The following KALRN variants were observed in gnomAD, a reference collection of about 807,000 sequenced individuals.
The protein encoded by KALRN is kalirin RhoGEF kinase.
KALRN carries 70 observed loss-of-function variants against 353.7 expected under a neutral mutation model. The observed-to-expected ratio is 0.20, with a 90% confidence interval of 0.16 to 0.24. The LOEUF (loss-of-function observed/expected upper bound fraction) is 0.24, where lower values mean the gene tolerates loss of function less well. Among genes scored for constraint, KALRN ranks in the 10% least tolerant of loss-of-function variants. The pLI, the probability that KALRN is intolerant of heterozygous loss-of-function variation, is 1.00. For synonymous variants in KALRN, 1,391 were observed against 1,434.8 expected (o/e 0.97, Z 0.69); for missense variants, 2,791 against 3,756.7 (o/e 0.74, Z 6.72).
At chr3:124,700,089 C>T in intron 56 of KALRN, 56 bp downstream of exon 56, 1 of 1,566,798 alleles carries the variant, frequency 6.4e-7, no homozygotes, top group Non-Finnish European at 8.8e-7. Context: ...CACCTGGCTG[C>T]CTGTCACAGA....
chr3:124,306,675 A>G lies in KALRN; in HGVS notation c.1092+7762A>G, dbSNP rs148113139. On this transcript the variant is annotated intron_variant, in intron 6 of 59. Transcript: ENST00000682506. ...AGAAACTCCAAGTAGGATAAATTCA[A>G]GAAGATCCATAAGCAGACACATTAT... is the stretch of plus-strand genomic sequence containing the variant. Among the ~76,000 whole-genome samples the G allele has an allele frequency of 3.2e-3, 491 of 152,320 alleles. 3 individuals are homozygous for G. Among genetic ancestry groups the G allele is most frequent in the African/African-American group, 0.011 (444 of 41,580 alleles).
intron 1 of KALRN, among the ~76,000 whole-genome samples, chr3:124,153,224 A>C (rs1055154529): frequency 2.3e-4 from 33 of 145,334 alleles, no homozygotes; most frequent in African/African-American, 8.4e-4. Context: ...CCATTAACTC[A>C]TCATTTAGCA....
Position 124,461,935 on chromosome 3 carries a change from G to A in KALRN, c.3900G>A (p.Arg1300=). Residue 1300 remains arginine, a synonymous_variant, in exon 24 of 60, where the codon AGG becomes AGA. Coordinates refer to ENST00000682506, the MANE Select transcript of KALRN (RefSeq NM_001388419.1). Reference sequence around the variant, plus strand: ...TCCAGACAGAGAAGGCTTATGTAAGGGATTTGCATGAGTGCTTAGAGGTGA... The same window carrying A: ...TCCAGACAGAGAAGGCTTATGTAAGAGATTTGCATGAGTGCTTAGAGGTGA... The part of the protein sequence containing the change: ...ELLQTEKAYV[R]DLHECLETYL... 6.2e-7 allele frequency: 1 copy of A among 1,613,106 alleles called. No individual in the cohort carries two copies. Among genetic ancestry groups the A allele is most frequent in the Non-Finnish European group, 8.5e-7 (1 of 1,179,150 alleles).
chr3:124,132,488 T>A (rs2065420019), intron 1 of KALRN, among the ~76,000 whole-genome samples: 3 of 152,186 alleles, frequency 2.0e-5, no homozygotes, highest in Admixed American at 2.0e-4. Flanking sequence ...CTGGACTTCT[T>A]TCCTGGCCTG....
intron 1 of KALRN, among the ~76,000 whole-genome samples, chr3:124,155,273 G>GA (rs2068813817): frequency 6.6e-6 from 1 of 152,174 alleles, no homozygotes; most frequent in South Asian, 2.1e-4. Flanking sequence ...GTTCCAGCCA[G>GA]AAAAAAGAGA....
intron 34 of KALRN, among the ~76,000 whole-genome samples, chr3:124,598,323 T>A (rs953467309): frequency 2.6e-5 from 4 of 152,186 alleles, no homozygotes; most frequent in Non-Finnish European, 2.9e-5. Flanking sequence ...GAAGACTTTC[T>A]TGAGACATCC....
chr3:124,494,786 C>G (rs571102654), intron 32 of KALRN, among the ~76,000 whole-genome samples: 2 of 152,208 alleles, frequency 1.3e-5, no homozygotes, highest in Non-Finnish European at 2.9e-5. Flanking sequence ...ATCATTTAGA[C>G]CCTTTGAGGT....
At position 124,368,270 on chromosome 3, in the gene KALRN, C is replaced by T. The variant is rs1362734231; in HGVS notation, c.1771-16575C>T. On this transcript the variant is annotated intron_variant, in intron 10 of 59. Coordinates refer to ENST00000682506, the MANE Select transcript of KALRN (RefSeq NM_001388419.1). ...CCCCCCACCTCCCTCCCGGACGGGG[C>T]GGCTGCCGGGCGGAGACGCTCCTCA... is the stretch of plus-strand genomic sequence containing the variant. 5.6e-4 allele frequency among the ~76,000 whole-genome samples: 78 copies of T among 138,232 alleles called. 3 individuals are homozygous for T. Among genetic ancestry groups the T allele is most frequent in the African/African-American group, 2.0e-3 (68 of 34,252 alleles). The allele number at this position is 138,232 out of a possible 152,430, so 90.7% of individuals were successfully genotyped here.
intron 6 of KALRN, among the ~76,000 whole-genome samples, chr3:124,319,844 AT>A (rs2149361564): frequency 6.6e-6 from 1 of 152,106 alleles, no homozygotes; most frequent in East Asian, 1.9e-4. Context: ...AATACAAAAA[AT>A]TAGCCAGGCA....
intron 34 of KALRN, among the ~76,000 whole-genome samples, chr3:124,566,504 CAAAA>C (rs3057177): frequency 2.2e-5 from 3 of 136,238 alleles, no homozygotes; most frequent in Non-Finnish European, 3.2e-5. Context: ...AACCCTGTCT[CAAAA>C]AAAAAAAAAA....
chr3:124,634,500 G>A (rs1195716205), intron 36 of KALRN, among the ~76,000 whole-genome samples: 5 of 152,144 alleles, frequency 3.3e-5, no homozygotes, highest in Non-Finnish European at 4.4e-5. Context: ...AAGATTCCCC[G>A]GCCCGCTGGC....
intron 47 of KALRN, among the ~76,000 whole-genome samples, chr3:124,667,910 G>C (rs755298574): frequency 2.6e-5 from 4 of 152,192 alleles, no homozygotes; most frequent in Non-Finnish European, 5.9e-5. Flanking sequence ...TTTTAAGCTA[G>C]TGGCTGATCT....
chr3:124,277,457 C>T (rs542219969), intron 5 of KALRN, among the ~76,000 whole-genome samples: 1 of 152,190 alleles, frequency 6.6e-6, no homozygotes, highest in African/African-American at 2.4e-5. Context: ...TTATTTCCAG[C>T]CTGCTGGTCC....
intron 3 of KALRN, among the ~76,000 whole-genome samples, chr3:124,236,685 A>G (rs1351077561): frequency 3.9e-5 from 6 of 152,242 alleles, no homozygotes; most frequent in African/African-American, 1.2e-4. Flanking sequence ...CTTGTTAAGC[A>G]AAGAGTGGGA....
chr3:124,639,115 C>T (rs763997045), intron 37 of KALRN, among the ~76,000 whole-genome samples: 6 of 152,190 alleles, frequency 3.9e-5, no homozygotes, highest in Non-Finnish European at 8.8e-5. Flanking sequence ...TCTTTGCTAT[C>T]CTCGAACTCA....
At chr3:124,272,590 A>C (rs1007577275) in intron 5 of KALRN, among the ~76,000 whole-genome samples, 2 of 152,000 alleles carry the variant, frequency 1.3e-5, no homozygotes, top group Admixed American at 6.6e-5. Context: ...ATGCATGTGC[A>C]TGTGAGTAGA....
Position 124,398,813 on chromosome 3 carries a change from G to A in KALRN, c.2288G>A (p.Arg763Gln), listed in dbSNP as rs996622312. 5 of 1,614,130 alleles carry A rather than the reference G, an allele frequency of 3.1e-6. No homozygotes were observed. Among genetic ancestry groups the A allele is most frequent in the African/African-American group, 1.3e-5 (1 of 75,046 alleles). Residue 763 changes from arginine (R) to glutamine (Q), a missense_variant, in exon 13 of 60, where the codon CGG (arginine) becomes CAG (glutamine). Physicochemically the swap from Arg to Gln is conservative, Grantham distance 43. Around this residue, in one of 11 missense-constraint regions of KALRN, gnomAD observed 452 missense variants for 575.8 expected, o/e 0.78. Transcript: ENST00000682506. ...CAGATGGAGGAGCTGTTCCACGAGC[G>A]GAAGATCAAGCTGGACATCTTCCTG... ...QVQMEELFHE[R>Q]KIKLDIFLQL...
chr3:124,059,395 T>A (rs2041825426), intron 1 of KALRN, among the ~76,000 whole-genome samples: 1 of 152,220 alleles, frequency 6.6e-6, no homozygotes, highest in African/African-American at 2.4e-5. Context: ...TTATCTTTTT[T>A]TTTTGTGGTG....
intron 1 of KALRN, among the ~76,000 whole-genome samples, chr3:124,067,297 T>TCCCTA (rs897691070): frequency 3.3e-5 from 5 of 151,906 alleles, no homozygotes; most frequent in African/African-American, 1.2e-4. Context: ...GTTCTTTCCT[T>TCCCTA]CCCTACCCCA....
Sources: allele counts gnomAD v4.1 joint callset (sites outside exome capture counted in the v4.1 genomes callset), GRCh38; gene constraint gnomAD v4.1.1; regional missense constraint gnomAD v4.1.1; transcripts MANE v1.5; gene names NCBI Gene and HGNC (gene_info 2026-07-23, HGNC 2026-07-21).